ADA: variants seen among roughly 807,000 people sequenced by gnomAD.
ADA encodes adenosine aminohydrolase.
ADA carries 45 observed loss-of-function variants against 49.0 expected under a neutral mutation model. The observed-to-expected ratio is 0.92, with a 90% CI of 0.72 to 1.18. ADA has a LOEUF of 1.18. Ranked by LOEUF, ADA falls within the 50% of genes most tolerant of loss-of-function variation. ADA has a pLI of 0.00. For synonymous variants in ADA, 173 were observed against 184.2 expected (o/e 0.94, Z 0.49); for missense variants, 445 against 472.5 (o/e 0.94, Z 0.54).
intron 2 of ADA, among the ~76,000 whole-genome samples, chr20:44,629,712 CAG>C (rs1444828599): frequency 6.6e-6 from 1 of 152,192 alleles, no homozygotes; most frequent in African/African-American, 2.4e-5. Flanking sequence ...GGTGGAGGCT[CAG>C]GGGAGGGGCC....
rs1160387427 is a variant in ADA at position 44,626,539 on chromosome 20, C to G, written c.279G>C (p.Glu93Asp). 6.2e-7 allele frequency: 1 copy of G among 1,614,082 alleles called. No homozygotes were observed. Among genetic ancestry groups the G allele is most frequent in the East Asian group, 2.2e-5 (1 of 44,884 alleles). ...AYEFVEMKAK[E>D]GVVYVEVRYS... ...ACCGCACCTCCACATACACCACGCC[C>G]TCTTTGGCCTTCATCTCTACAAACT... The change falls in exon 4 of 12, where the codon GAG becomes GAC. Residue 93 changes from glutamate to aspartate, a missense_variant. Coordinates refer to ENST00000372874, the MANE Select transcript of ADA (RefSeq NM_000022.4).
intron 1 of ADA, among the ~76,000 whole-genome samples, chr20:44,651,080 C>A (rs1184267187): frequency 6.6e-6 from 1 of 152,196 alleles, no homozygotes; most frequent in African/African-American, 2.4e-5. Flanking sequence ...CCCTTTCTGG[C>A]AGGGCTCACG....
chr20:44,644,920 C>T (rs1022905003), intron 1 of ADA, among the ~76,000 whole-genome samples: 1 of 152,216 alleles, frequency 6.6e-6, no homozygotes, highest in Non-Finnish European at 1.5e-5. Context: ...ACTCAGCACA[C>T]TTAAACTCGT....
chr20:44,620,188 C>T (rs922290528), intron 11 of ADA, 111 bp downstream of exon 11: 1 of 989,890 alleles, frequency 1.0e-6, no homozygotes, highest in African/African-American at 1.6e-5. Context: ...GGAGTCATCA[C>T]ACATTCATGG....
rs1568845422 is a variant in ADA, at chr20:44,625,614, C to A, written c.433G>T (p.Gly145Trp). The A allele has an allele frequency of 6.3e-7, 1 of 1,587,264 alleles. No individual in the cohort carries two copies. The highest frequency in any genetic ancestry group is 8.6e-7 in the Non-Finnish European group (1 of 1,166,712). Residue 145 changes from glycine to tryptophan, a missense_variant, in exon 5 of 12, where the codon GGG (glycine) becomes TGG (tryptophan). Transcript: ENST00000372874. ...QGLQEGERDF[G>W]VKARSILCCM... is the part of the protein sequence containing the mutation. ...CACAGGATGGACCGGGCCTTGACCC[C>A]GAAGTCTCGCTCCCCCTCCTGCAGG...
intron 1 of ADA, among the ~76,000 whole-genome samples, chr20:44,648,977 C>T (rs184780761): frequency 6.6e-6 from 1 of 152,218 alleles, no homozygotes; most frequent in East Asian, 1.9e-4. Context: ...CTGAAGGACA[C>T]AGCAAAGGCT....
intron 4 of ADA, among the ~76,000 whole-genome samples, 157 bp from the exon 5 acceptor site, chr20:44,625,841 A>G (rs2065377762): frequency 6.6e-6 from 1 of 152,210 alleles, no homozygotes; most frequent in South Asian, 2.1e-4. Flanking sequence ...AGATGCCCCC[A>G]GGCCCTAGCA....
chr20:44,643,899 C>T (rs915327019), intron 1 of ADA, among the ~76,000 whole-genome samples: 6 of 152,204 alleles, frequency 3.9e-5, no homozygotes, highest in Non-Finnish European at 4.4e-5. Flanking sequence ...TGCACTAAGT[C>T]CCTGCTCTCA....
At chr20:44,644,787 G>A (rs1258996602) in intron 1 of ADA, among the ~76,000 whole-genome samples, 2 of 152,224 alleles carry the variant, frequency 1.3e-5, no homozygotes, top group Non-Finnish European at 2.9e-5. Flanking sequence ...CAGTGGAAGG[G>A]ACTGAGCAGT....
At chr20:44,636,391 A>T in intron 1 of ADA, 103 bp from the exon 2 acceptor site, 1 of 1,024,868 alleles carries the variant, frequency 9.8e-7, no homozygotes, top group Non-Finnish European at 1.5e-6. Flanking sequence ...ATTAATCATG[A>T]TAACCATTAG....
At chr20:44,635,693 G>T (rs1457629894) in intron 2 of ADA, among the ~76,000 whole-genome samples, 1 of 152,176 alleles carries the variant, frequency 6.6e-6, no homozygotes, top group Non-Finnish European at 1.5e-5. Context: ...GAGGTCAGGA[G>T]TTCGAGACCA....
intron 11 of ADA, 69 bp downstream of exon 11, chr20:44,620,230 G>C: frequency 1.5e-6 from 2 of 1,340,834 alleles, no homozygotes; most frequent in Middle Eastern, 2.4e-4. Flanking sequence ...CATCTTGCTA[G>C]AAGTCCCACA....
At chr20:44,636,643 C>A (rs1028395629) in intron 1 of ADA, among the ~76,000 whole-genome samples, 4 of 152,268 alleles carry the variant, frequency 2.6e-5, no homozygotes, top group African/African-American at 9.6e-5. Context: ...GTGGCAGAGG[C>A]GGAATTCTAA....
chr20:44,624,666 C>T (rs1451580248), intron 5 of ADA, among the ~76,000 whole-genome samples: 1 of 152,246 alleles, frequency 6.6e-6, no homozygotes, highest in Non-Finnish European at 1.5e-5. Context: ...TCCAACAACA[C>T]TCATGGTAGG....
chr20:44,644,966 A>T (rs1471024325), intron 1 of ADA, among the ~76,000 whole-genome samples: 2 of 152,222 alleles, frequency 1.3e-5, no homozygotes, highest in Non-Finnish European at 2.9e-5. Flanking sequence ...AGAGAGTGGG[A>T]GGACCTTGAG....
intron 9 of ADA, 120 bp downstream of exon 9, chr20:44,622,468 G>T (rs963391125): frequency 8.4e-7 from 1 of 1,195,904 alleles, no homozygotes; most frequent in Non-Finnish European, 1.2e-6. Flanking sequence ...GCTTCCCAGG[G>T]TGTCGAAGAG....
chr20:44,629,847 C>T (rs974997873), intron 2 of ADA, among the ~76,000 whole-genome samples: 4 of 152,172 alleles, frequency 2.6e-5, no homozygotes, highest in Non-Finnish European at 5.9e-5. Flanking sequence ...TTGGAGCCTC[C>T]ATTTCTCCCC....
At chr20:44,623,114 C>T (rs375217083) in intron 6 of ADA, 36 bp from the exon 7 acceptor site, 28 of 1,612,738 alleles carry the variant, frequency 1.7e-5, no homozygotes, top group Middle Eastern at 1.8e-4. Context: ...GGTGCCCTAG[C>T]GGGAGGGCCC....
chr20:44,619,786 CAG>C lies in ADA; in HGVS notation c.*46_*47del. On this transcript the variant is annotated 3_prime_UTR_variant, in exon 12 of 12. Transcript: ENST00000372874. ...AATGTAAAAATGTTGCTCAGCCCCA[CAG>C]AGTTGGGGTGACTCCACAGGGTGAA... is the stretch of plus-strand genomic sequence containing the variant. 1.9e-6 allele frequency: 3 copies of C among 1,612,442 alleles called. No homozygotes were observed. The highest frequency in any genetic ancestry group is 1.3e-5 in the African/African-American group (1 of 75,012).
Sources: allele counts gnomAD v4.1 joint callset (sites outside exome capture counted in the v4.1 genomes callset), GRCh38; gene constraint gnomAD v4.1.1; transcripts MANE v1.5; gene names NCBI Gene and HGNC (gene_info 2026-07-23, HGNC 2026-07-21).